CEP76: variants seen among roughly 807,000 people sequenced by gnomAD.
CEP76 encodes centrosomal protein of 76 kDa.
A neutral mutation model predicts 83.3 loss-of-function variants in CEP76; 55 were observed. That is an observed-to-expected ratio of 0.66 (90% CI 0.53 to 0.83). The LOEUF (loss-of-function observed/expected upper bound fraction) is 0.83. Among genes scored for constraint, CEP76 ranks in the 40% least tolerant of loss-of-function variants. The pLI, the probability that CEP76 is intolerant of heterozygous loss-of-function variation, is 0.00. For synonymous variants in CEP76, 270 were observed against 274.5 expected, an observed-to-expected ratio of 0.98 and a Z score of 0.16; for missense variants, 694 against 799.5, an observed-to-expected ratio of 0.87 and a Z score of 1.59.
chr18:12,699,952 T>C, intron 2 of CEP76, 47 bp from the exon 3 acceptor site: 1 of 1,286,422 alleles, frequency 7.8e-7, no homozygotes, highest in Non-Finnish European at 1.1e-6. Context: ...AAAACAATTA[T>C]AGGTTAAGGA....
At chr18:12,692,928 T>A (rs903528724) in intron 6 of CEP76, among the ~76,000 whole-genome samples, 2 of 152,166 alleles carry the variant, frequency 1.3e-5, no homozygotes, top group African/African-American at 4.8e-5. Context: ...GCTTAAGCGA[T>A]CCTCCCACCT....
chr18:12,673,195 A>C lies in CEP76; in HGVS notation c.*170T>G. ...CAAGTTTTTCAGCCTTAATTTTTAA[A>C]GGAATGCATGATTTTTTTTAAACAT... On this transcript the variant is annotated 3_prime_UTR_variant, in exon 12 of 12. Transcript: ENST00000262127. The C allele has an allele frequency of 7.7e-7, 1 of 1,305,616 alleles. No individual in the cohort carries two copies. Among genetic ancestry groups the C allele is most frequent in the African/African-American group, 1.5e-5 (1 of 64,856 alleles). 80.9% of individuals were successfully genotyped at this position (1,305,616 alleles called of 1,614,324 possible).
At chr18:12,664,949 T>G (rs1042537654) in intron 12 of CEP76, 1 of 152,158 alleles carries the variant, frequency 6.6e-6, no homozygotes, top group African/African-American at 2.4e-5. Flanking sequence ...TCCACCCACC[T>G]CAGCCTCCCA....
chr18:12,683,941 C>A (rs1223157911), intron 8 of CEP76, among the ~76,000 whole-genome samples: 1 of 151,012 alleles, frequency 6.6e-6, no homozygotes, highest in Non-Finnish European at 1.5e-5. Flanking sequence ...GGTAAAGTTT[C>A]ACCATTACTG....
chr18:12,702,762 G>C, upstream of CEP76: 1 of 589,642 alleles, frequency 1.7e-6, no homozygotes, highest in Non-Finnish European at 2.9e-6. Flanking sequence ...TTTTCAAACA[G>C]TGGCGGACAA....
intron 12 of CEP76, among the ~76,000 whole-genome samples, chr18:12,663,829 G>A (rs2038749327): frequency 1.3e-5 from 2 of 152,280 alleles, no homozygotes; most frequent in Admixed American, 1.3e-4. Flanking sequence ...GAGTGCAGTG[G>A]TGCGATCATA....
intron 8 of CEP76, 142 bp downstream of exon 8, chr18:12,686,120 G>T: frequency 7.7e-6 from 4 of 519,498 alleles, no homozygotes; most frequent in South Asian, 4.3e-5. Context: ...TCTGCAGTTG[G>T]TTGAATCTAC....
chr18:12,679,889 C>T (rs1025703145), intron 9 of CEP76, among the ~76,000 whole-genome samples: 1 of 151,838 alleles, frequency 6.6e-6, no homozygotes, highest in Non-Finnish European at 1.5e-5. Flanking sequence ...ACAGCAAAAG[C>T]TCATCCCTAC....
At chr18:12,676,797 G>A (rs2039151192) in intron 10 of CEP76, among the ~76,000 whole-genome samples, 1 of 152,166 alleles carries the variant, frequency 6.6e-6, no homozygotes, top group Admixed American at 6.6e-5. Context: ...GTTGACAAGT[G>A]AATAAGAAAT....
At chr18:12,684,991 A>T (rs1414160354) in intron 8 of CEP76, 1 of 151,900 alleles carries the variant, frequency 6.6e-6, no homozygotes, top group East Asian at 1.9e-4. Context: ...TTTCTATATT[A>T]ATTTTGTACT....
At chr18:12,681,547 G>C (rs1370654064) in intron 8 of CEP76, among the ~76,000 whole-genome samples, 1 of 152,026 alleles carries the variant, frequency 6.6e-6, no homozygotes, top group Non-Finnish European at 1.5e-5. Context: ...CCTGTGCCCA[G>C]CCTGGAATAT....
chr18:12,690,904 T>G (rs2039732391), intron 7 of CEP76, among the ~76,000 whole-genome samples: 1 of 151,996 alleles, frequency 6.6e-6, no homozygotes, highest in Admixed American at 6.6e-5. Context: ...ACAATTTTTT[T>G]TAAAACCCTA....
chr18:12,699,354 C>T (rs1225297212), intron 3 of CEP76, 151 bp from the exon 4 acceptor site: 13 of 588,528 alleles, frequency 2.2e-5, no homozygotes, highest in Middle Eastern at 3.9e-4. Flanking sequence ...ACTGTATATG[C>T]CAGAATCATT....
chr18:12,697,826 G>C (rs181023120), intron 4 of CEP76, among the ~76,000 whole-genome samples: 1 of 151,334 alleles, frequency 6.6e-6, no homozygotes, highest in African/African-American at 2.4e-5. Flanking sequence ...ACAGCACATC[G>C]AATCTAGCAA....
At position 12,696,124 on chromosome 18, in the gene CEP76, G is replaced by C. The variant is rs117435565; in HGVS notation, c.707-773C>G. Among the ~76,000 whole-genome samples the C allele has an allele frequency of 8.5e-5, 13 of 152,194 alleles. No individual in the cohort carries two copies. In the East Asian group the frequency reaches 2.5e-3, roughly 29 times the overall value. On this transcript the variant is annotated intron_variant, in intron 5 of 11. Coordinates refer to ENST00000262127, the MANE Select transcript of CEP76 (RefSeq NM_024899.4). ...TATTTTTGAAGACAAATTGGGTATT[G>C]TTTTTGAAAATAAATTTCTTACATA... is the stretch of plus-strand genomic sequence containing the variant.
intron 4 of CEP76, 125 bp downstream of exon 4, chr18:12,698,854 G>A: frequency 1.5e-6 from 1 of 683,244 alleles, no homozygotes; most frequent in South Asian, 2.1e-5. Flanking sequence ...AAAGAGCAGT[G>A]GGAAACAAAA....
chr18:12,686,213 G>A (rs1251612547), intron 8 of CEP76, 49 bp downstream of exon 8: 1 of 1,423,938 alleles, frequency 7.0e-7, no homozygotes, highest in Non-Finnish European at 9.6e-7. Context: ...TACAAATTCA[G>A]AGTAACTATG....
rs1428274796 is a variant in CEP76 at position 12,678,252 on chromosome 18, C to T, written c.1480G>A (p.Glu494Lys). 6.2e-7 allele frequency: 1 copy of T among 1,614,138 alleles called. No individual in the cohort carries two copies. The highest frequency in any genetic ancestry group is 8.5e-7 in the Non-Finnish European group (1 of 1,180,028). ...GGAGCACACACAGATTTAATTGCTT[C>T]CTCACTCATGGGTTTCCATTTGGAT... ...DESKWKPMSE[E>K]AIKSVCAPGA... Residue 494 changes from glutamate (E) to lysine (K), a missense_variant, in exon 10 of 12, where the codon GAA becomes AAA. By Grantham distance (56) the Glu-to-Lys change is moderately conservative (BLOSUM62 1). Coordinates refer to ENST00000262127, the MANE Select transcript of CEP76 (RefSeq NM_024899.4).
chr18:12,669,605 C>T (rs1035970458), downstream of CEP76, among the ~76,000 whole-genome samples: 1 of 152,128 alleles, frequency 6.6e-6, no homozygotes, highest in Admixed American at 6.6e-5. Flanking sequence ...TACATATTGT[C>T]AAGAACACCA....
Sources: allele counts gnomAD v4.1 joint callset (sites outside exome capture counted in the v4.1 genomes callset), GRCh38; gene constraint gnomAD v4.1.1; transcripts MANE v1.5; gene names NCBI Gene and HGNC (gene_info 2026-07-23, HGNC 2026-07-21).